The following BCAS3 variants were observed in gnomAD, a reference collection of about 807,000 sequenced individuals.
BCAS3 encodes BCAS4/BCAS3 fusion.
Under a neutral mutation model 116.1 loss-of-function variants are expected in BCAS3, and 53 were observed. The ratio of observed to expected loss-of-function variants is 0.46; its 90% confidence interval spans 0.37 to 0.57. The LOEUF (loss-of-function observed/expected upper bound fraction) is 0.57. Among genes scored for constraint, BCAS3 ranks in the 20% least tolerant of loss-of-function variants. BCAS3 has a pLI of 0.00. For missense variants in BCAS3, 917 were observed against 1,165.4 expected (o/e 0.79, Z 3.10); for synonymous variants, 391 against 408.2 (o/e 0.96, Z 0.51).
At chr17:60,981,890 A>G (rs1441326503) in intron 14 of BCAS3, among the ~76,000 whole-genome samples, 2 of 152,188 alleles carry the variant, frequency 1.3e-5, no homozygotes, top group Non-Finnish European at 2.9e-5. Flanking sequence ...GGTAAAGCTT[A>G]TATATGGCTT....
rs993489139 is a variant in BCAS3 at position 61,227,214 on chromosome 17, C to T, written c.2426-141113C>T. 5.3e-5 allele frequency among the ~76,000 whole-genome samples: 8 copies of T among 152,166 alleles called. No homozygotes were observed. Among genetic ancestry groups the T allele is most frequent in the African/African-American group, 1.9e-4 (8 of 41,442 alleles). On this transcript the variant is annotated intron_variant, in intron 22 of 23. Transcript: ENST00000407086. The surrounding 1 kb of genome is among the most constrained non-coding windows in gnomAD (Gnocchi z 6.1). ...TTCCCACAGACTGTCCTAGAGGGGC[C>T]ACAGACTGCTCTGAGAAGCTAGTGC...
chr17:61,138,608 C>T (rs892735828), intron 22 of BCAS3, among the ~76,000 whole-genome samples: 2 of 152,112 alleles, frequency 1.3e-5, no homozygotes, highest in African/African-American at 4.8e-5. Context: ...ATTTAGGGGG[C>T]AGTGTTGAAG....
At chr17:61,116,896 T>C (rs2075497313) in intron 22 of BCAS3, among the ~76,000 whole-genome samples, 1 of 152,232 alleles carries the variant, frequency 6.6e-6, no homozygotes, top group African/African-American at 2.4e-5. Flanking sequence ...GTGCCATTTT[T>C]CTCTCACTGC....
intron 4 of BCAS3, among the ~76,000 whole-genome samples, chr17:60,691,274 A>G (rs1159235496): frequency 2.0e-5 from 3 of 152,144 alleles, no homozygotes; most frequent in Non-Finnish European, 4.4e-5. Flanking sequence ...TTGCTGGCTT[A>G]TATAGTAATG....
At chr17:60,856,629 A>G (rs537581740) in intron 7 of BCAS3, among the ~76,000 whole-genome samples, 2 of 152,204 alleles carry the variant, frequency 1.3e-5, no homozygotes, top group South Asian at 2.1e-4. Context: ...AGGCAGAGGT[A>G]GCAGTGAGCC....
intron 7 of BCAS3, among the ~76,000 whole-genome samples, chr17:60,821,222 C>T (rs2049936410): frequency 1.3e-5 from 2 of 152,202 alleles, no homozygotes; most frequent in Admixed American, 6.5e-5. Flanking sequence ...GCTGGGATTA[C>T]AGGCATGCGC....
At chr17:60,726,614 A>G (rs2039893579) in intron 5 of BCAS3, among the ~76,000 whole-genome samples, 1 of 150,420 alleles carries the variant, frequency 6.6e-6, no homozygotes, top group Admixed American at 6.7e-5. Flanking sequence ...GGTTCACGCC[A>G]TTCTCCTGCC....
rs1464779760 is a variant in BCAS3 at position 61,124,784 on chromosome 17, G to A, written c.2425+40220G>A. Among the ~76,000 whole-genome samples, 5 of 152,188 alleles carry A rather than the reference G, an allele frequency of 3.3e-5. No homozygotes were observed. Among genetic ancestry groups the A allele is most frequent in the African/African-American group, 1.2e-4 (5 of 41,438 alleles). On this transcript the variant is annotated intron_variant, in intron 22 of 23. Transcript: ENST00000407086. The surrounding 1 kb of genome is among the most constrained non-coding windows in gnomAD (Gnocchi z 4.6). ...GGGATTGCAGCAGGTAATTTCCTGA[G>A]CTGTATGGTACAGATGATTTTCTGT...
rs987207816 is a variant in BCAS3, at chr17:61,300,238, T to C, written c.2426-68089T>C. On this transcript the variant is annotated intron_variant, in intron 22 of 23. Transcript: ENST00000407086. The surrounding 1 kb of genome is among the most constrained non-coding windows in gnomAD (Gnocchi z 5.1). The stretch of plus-strand genomic sequence containing the variant: ...TGTCACTTGCCACATACAGTCCCAG[T>C]TGGTTTCACTGTCCCGAGACCCTAA... Among the ~76,000 whole-genome samples the C allele has an allele frequency of 6.6e-6, 1 of 152,182 alleles. No homozygotes were observed. Among genetic ancestry groups the C allele is most frequent in the Non-Finnish European group, 1.5e-5 (1 of 68,030 alleles).
chr17:61,323,962 G>A lies in BCAS3; in HGVS notation c.2426-44365G>A, dbSNP rs1192827677. Among the ~76,000 whole-genome samples the A allele has an allele frequency of 4.6e-5, 7 of 152,244 alleles. No homozygotes were observed. Among genetic ancestry groups the A allele is most frequent in the Admixed American group, 2.0e-4 (3 of 15,288 alleles). ...AATGATAGCTCATTGTCAAAGGTTG[G>A]GCGGGAGACGAGGTAAGAACTGTTA... On this transcript the variant is annotated intron_variant, in intron 22 of 23. Transcript: ENST00000407086. The surrounding 1 kb of genome is among the most constrained non-coding windows in gnomAD (Gnocchi z 4.6).
intron 6 of BCAS3, among the ~76,000 whole-genome samples, chr17:60,768,969 T>G (rs1272100632): frequency 2.0e-5 from 3 of 152,148 alleles, no homozygotes; most frequent in Non-Finnish European, 4.4e-5. Flanking sequence ...TATGCTGGTG[T>G]TGGCTGTGAC....
Position 61,244,731 on chromosome 17 carries a change from T to C in BCAS3, c.2426-123596T>C, listed in dbSNP as rs948624252. On this transcript the variant is annotated intron_variant, in intron 22 of 23. Transcript: ENST00000407086. This position sits in a 1 kb window ranked among gnomAD's most constrained non-coding sequence, Gnocchi z 4.9. ...ACAAAAAATTAGCAGGGCGTGGTGG[T>C]GGGCACCTGTAGTCCCAGTTACTTG... 6.6e-6 allele frequency among the ~76,000 whole-genome samples: 1 copy of C among 151,948 alleles called. No homozygotes were observed. The highest frequency in any genetic ancestry group is 2.1e-4 in the South Asian group (1 of 4,806).
chr17:60,930,738 G>A (rs965272657), intron 13 of BCAS3, among the ~76,000 whole-genome samples: 7 of 152,160 alleles, frequency 4.6e-5, no homozygotes, highest in Non-Finnish European at 7.3e-5. Context: ...GATTACAGAC[G>A]TGAGCCACTG....
At chr17:60,721,305 A>G (rs2039213888) in intron 5 of BCAS3, among the ~76,000 whole-genome samples, 1 of 152,144 alleles carries the variant, frequency 6.6e-6, no homozygotes, top group Non-Finnish European at 1.5e-5. Flanking sequence ...TTCTTCCTGG[A>G]AAGAGAATAG....
chr17:61,045,978 TATATATATATTTATATATATATA>T (rs2068165880), intron 19 of BCAS3, among the ~76,000 whole-genome samples: 2 of 9,184 alleles, frequency 2.2e-4, no homozygotes, highest in Non-Finnish European at 2.7e-4. Flanking sequence ...ATATATATAT[TATATATATATTTATATATATATA>T]ATATATATAT....
intron 6 of BCAS3, among the ~76,000 whole-genome samples, chr17:60,787,520 C>G (rs1181025870): frequency 1.3e-5 from 2 of 152,076 alleles, no homozygotes; most frequent in African/African-American, 4.8e-5. Context: ...CATTCTCATG[C>G]AAGTCTTTTT....
In BCAS3 at chr17:61,213,149, A is replaced by G. The variant is rs1048553168; in HGVS notation, c.2425+128585A>G. The stretch of plus-strand genomic sequence containing the variant: ...CTTTCCTTGTTAAATTGTTATATAT[A>G]TATTTTTGTTTGTTTGTTTGTTTTT... On this transcript the variant is annotated intron_variant, in intron 22 of 23. Transcript: ENST00000407086. This position sits in a 1 kb window ranked among gnomAD's most constrained non-coding sequence, Gnocchi z 5.4. Among the ~76,000 whole-genome samples the G allele has an allele frequency of 1.3e-5, 2 of 151,724 alleles. No individual in the cohort carries two copies. The highest frequency in any genetic ancestry group is 2.9e-5 in the Non-Finnish European group (2 of 67,908).
chr17:61,123,330 T>C (rs926322290), intron 22 of BCAS3, among the ~76,000 whole-genome samples: 1 of 152,146 alleles, frequency 6.6e-6, no homozygotes, highest in African/African-American at 2.4e-5. Flanking sequence ...CCTCCACTGC[T>C]TCCCTGCCAA....
At chr17:60,751,185 A>ATG (rs2042422871) in intron 6 of BCAS3, among the ~76,000 whole-genome samples, 1 of 152,190 alleles carries the variant, frequency 6.6e-6, no homozygotes, top group Non-Finnish European at 1.5e-5. Flanking sequence ...ACTCATGTCA[A>ATG]CACAGCTTAT....
Sources: allele counts gnomAD v4.1 joint callset (sites outside exome capture counted in the v4.1 genomes callset), GRCh38; gene constraint gnomAD v4.1.1; non-coding constraint Gnocchi (gnomAD v3.1); transcripts MANE v1.5; gene names NCBI Gene and HGNC (gene_info 2026-07-23, HGNC 2026-07-21).